The following SV2B variants were observed in gnomAD, a reference collection of about 807,000 sequenced individuals.
SV2B encodes solute carrier family 22 member B2.
In SV2B, 41 loss-of-function variants were observed where a neutral mutation model predicts 73.9. That is an observed-to-expected ratio of 0.56 (90% CI 0.43 to 0.72). The LOEUF (loss-of-function observed/expected upper bound fraction) is 0.72. Among genes scored for constraint, SV2B ranks in the 30% least tolerant of loss-of-function variants. The pLI is 0.00. For missense variants in SV2B, 764 were observed against 857.8 expected, an observed-to-expected ratio of 0.89 and a Z score of 1.37; for synonymous variants, 314 against 314.2, an observed-to-expected ratio of 1.00 and a Z score of 0.01.
In SV2B at chr15:91,115,614, C is replaced by T. The variant is rs183100084; in HGVS notation, c.-392+15251C>T. On this transcript the variant is annotated intron_variant, in intron 1 of 12. Coordinates refer to ENST00000394232, the MANE Select transcript of SV2B (RefSeq NM_001323032.3). This position sits in a 1 kb window ranked among gnomAD's most constrained non-coding sequence, Gnocchi z 4.3. ...CTGGTCTTGAACTCCTGAACTCAAG[C>T]GATCCACCCGCCTCGACCTCTCAAA... Among the ~76,000 whole-genome samples, 28 of 151,848 alleles carry T rather than the reference C, an allele frequency of 1.8e-4. No individual in the cohort carries two copies. Among genetic ancestry groups the T allele is most frequent in the African/African-American group, 5.8e-4 (24 of 41,376 alleles).
chr15:91,099,744 C>T (rs375057616), upstream of SV2B, among the ~76,000 whole-genome samples: 3 of 152,318 alleles, frequency 2.0e-5, no homozygotes, highest in Non-Finnish European at 4.4e-5. Flanking sequence ...AGTCGAACAG[C>T]ACCATGATCG....
Position 91,121,869 on chromosome 15 carries a change from G to T in SV2B, c.-392+21506G>T, listed in dbSNP as rs2042347019. Among the ~76,000 whole-genome samples the T allele has an allele frequency of 6.6e-6, 1 of 151,628 alleles. No individual in the cohort carries two copies. The highest frequency in any genetic ancestry group is 1.5e-5 in the Non-Finnish European group (1 of 67,932). ...GGCTCACTGCAAGCTCTGCCTTCTG[G>T]GTTCACGCCATTCTCCTGCCTCAGC... On this transcript the variant is annotated intron_variant, in intron 1 of 12. Transcript: ENST00000394232. This position sits in a 1 kb window ranked among gnomAD's most constrained non-coding sequence, Gnocchi z 4.4.
intron 1 of SV2B, among the ~76,000 whole-genome samples, chr15:91,133,564 C>A (rs2042722154): frequency 6.6e-6 from 1 of 152,048 alleles, no homozygotes; most frequent in Admixed American, 6.6e-5. Flanking sequence ...ATTTATTGAG[C>A]CCTGTGAGGG....
intron 1 of SV2B, among the ~76,000 whole-genome samples, chr15:91,109,043 T>C (rs1343646002): frequency 2.0e-5 from 3 of 152,218 alleles, no homozygotes; most frequent in Non-Finnish European, 4.4e-5. Flanking sequence ...GAAAATTCTC[T>C]CCTAACGGAT....
At position 91,115,138 on chromosome 15, in the gene SV2B, C is replaced by T. The variant is rs2042142058; in HGVS notation, c.-392+14775C>T. 6.6e-6 allele frequency among the ~76,000 whole-genome samples: 1 copy of T among 152,198 alleles called. No homozygotes were observed. Among genetic ancestry groups the T allele is most frequent in the African/African-American group, 2.4e-5 (1 of 41,456 alleles). ...TGAGCAGGCAAAGCCAACAGGTGTCCACTACACACGCTGAGCTGGCTTCTC... is the reference window on the plus strand; with the variant it reads ...TGAGCAGGCAAAGCCAACAGGTGTCTACTACACACGCTGAGCTGGCTTCTC... On this transcript the variant is annotated intron_variant, in intron 1 of 12. Coordinates refer to ENST00000394232, the MANE Select transcript of SV2B (RefSeq NM_001323032.3). This position sits in a 1 kb window ranked among gnomAD's most constrained non-coding sequence, Gnocchi z 4.3.
intron 2 of SV2B, among the ~76,000 whole-genome samples, chr15:91,247,692 G>A (rs923897429): frequency 3.3e-5 from 5 of 152,136 alleles, no homozygotes; most frequent in Admixed American, 1.3e-4. Context: ...AGGAATTGCT[G>A]CAGTCAGGCT....
intron 9 of SV2B, among the ~76,000 whole-genome samples, chr15:91,273,413 T>C (rs527272104): frequency 6.6e-6 from 1 of 152,370 alleles, no homozygotes; most frequent in Admixed American, 6.5e-5. Flanking sequence ...CCAAGTTCTG[T>C]AGCTTACTCC....
intron 5 of SV2B, among the ~76,000 whole-genome samples, chr15:91,259,045 A>C (rs1344894758): frequency 6.6e-6 from 1 of 152,002 alleles, no homozygotes; most frequent in East Asian, 1.9e-4. Flanking sequence ...GGAGACAGCC[A>C]TGGTTGTGTC....
intron 6 of SV2B, among the ~76,000 whole-genome samples, chr15:91,262,600 C>T (rs770502398): frequency 3.9e-5 from 6 of 152,114 alleles, no homozygotes; most frequent in Non-Finnish European, 8.8e-5. Context: ...TCTTCTGCCC[C>T]CTTCCTCCTC....
chr15:91,292,459 A>G lies in SV2B; in HGVS notation c.1959A>G (p.Lys653=), dbSNP rs1027218544. 6.2e-7 allele frequency: 1 copy of G among 1,614,180 alleles called. No individual in the cohort carries two copies. The highest frequency in any genetic ancestry group is 1.7e-5 in the Admixed American group (1 of 60,028). Residue 653 remains lysine, a synonymous_variant, in exon 13 of 13, where the codon AAA becomes AAG. Transcript: ENST00000394232. ...TIFASFVGIT[K]VVPILLAAAS... ...TTGCTTCTTTTGTTGGGATAACCAA[A>G]GTGGTCCCCATCCTTCTGGCTGCTG...
chr15:91,145,733 A>G (rs942533719), intron 1 of SV2B, among the ~76,000 whole-genome samples: 2 of 152,192 alleles, frequency 1.3e-5, no homozygotes, highest in African/African-American at 2.4e-5. Flanking sequence ...TATTTCTCTA[A>G]TGATCAATGA....
rs565401026 is a variant in SV2B at position 91,128,685 on chromosome 15, C to G, written c.-392+28322C>G. Reference sequence around the variant, plus strand: ...TCTGCCTTTCTGTGTAAAACCTGGCCATAAAGAAATTATCTGACCAACCTT... The same window carrying G: ...TCTGCCTTTCTGTGTAAAACCTGGCGATAAAGAAATTATCTGACCAACCTT... On this transcript the variant is annotated intron_variant, in intron 1 of 12. Coordinates refer to ENST00000394232, the MANE Select transcript of SV2B (RefSeq NM_001323032.3). This position sits in a 1 kb window ranked among gnomAD's most constrained non-coding sequence, Gnocchi z 4.2. The G allele has an allele frequency of 1.3e-5, 2 of 152,294 alleles. No individual in the cohort carries two copies. Among genetic ancestry groups the G allele is most frequent in the African/African-American group, 4.8e-5 (2 of 41,540 alleles). 9.4% of individuals were successfully genotyped at this position (152,294 alleles called of 1,614,324 possible). A position where few individuals can be genotyped will look rare whatever the true frequency, so the allele number is the denominator to read the frequency against.
At chr15:91,120,723 A>T (rs1206813624) in intron 1 of SV2B, among the ~76,000 whole-genome samples, 1 of 149,560 alleles carries the variant, frequency 6.7e-6, no homozygotes, top group Non-Finnish European at 1.5e-5. Flanking sequence ...CTGAGGTGGG[A>T]GGATCACTTG....
chr15:91,218,808 G>A (rs756685508), intron 1 of SV2B, among the ~76,000 whole-genome samples: 19 of 152,168 alleles, frequency 1.2e-4, no homozygotes, highest in Non-Finnish European at 2.6e-4. Flanking sequence ...ACCGACTCCT[G>A]CTAAAGGGAC....
At chr15:91,177,754 C>G (rs1257742367) in intron 1 of SV2B, among the ~76,000 whole-genome samples, 2 of 123,922 alleles carry the variant, frequency 1.6e-5, no homozygotes, top group Non-Finnish European at 3.4e-5. Flanking sequence ...TATCCTGAGA[C>G]TTTGCTGAAG....
At chr15:91,269,818 A>G (rs753321614) in intron 9 of SV2B, among the ~76,000 whole-genome samples, 2 of 152,216 alleles carry the variant, frequency 1.3e-5, no homozygotes, top group Non-Finnish European at 2.9e-5. Context: ...TATCATTGAC[A>G]TGGGTTCAGA....
chr15:91,252,399 C>G lies in SV2B; in HGVS notation c.663C>G (p.Ala221=). The part of the protein sequence containing the change: ...GIGGALPIVF[A]YFSEFLSREK... The stretch of plus-strand genomic sequence containing the variant: ...GGGGTGCTCTACCGATTGTTTTTGC[C>G]TATTTTTCTGAATTCTTGTCTCGGG... Residue 221 remains alanine (A), a synonymous_variant, in exon 4 of 13, where the codon GCC becomes GCG. Transcript: ENST00000394232. This position sits in a 1 kb window ranked among gnomAD's most constrained non-coding sequence, Gnocchi z 4.6. 6.2e-7 allele frequency: 1 copy of G among 1,612,612 alleles called. No homozygotes were observed. Among genetic ancestry groups the G allele is most frequent in the East Asian group, 2.2e-5 (1 of 44,806 alleles).
intron 1 of SV2B, among the ~76,000 whole-genome samples, chr15:91,189,167 T>A (rs1291046049): frequency 1.3e-5 from 2 of 152,140 alleles, no homozygotes; most frequent in African/African-American, 4.8e-5. Context: ...GTCATTTTTT[T>A]TTCCACCTCT....
chr15:91,135,939 C>A (rs967273218), intron 1 of SV2B, among the ~76,000 whole-genome samples: 6 of 152,180 alleles, frequency 3.9e-5, no homozygotes, highest in Non-Finnish European at 7.3e-5. Context: ...GTGCTGTTAG[C>A]CTTCACCTTG....
Sources: allele counts gnomAD v4.1 joint callset (sites outside exome capture counted in the v4.1 genomes callset), GRCh38; gene constraint gnomAD v4.1.1; non-coding constraint Gnocchi (gnomAD v3.1); transcripts MANE v1.5; gene names NCBI Gene and HGNC (gene_info 2026-07-23, HGNC 2026-07-21).